Variants in ERCC6L2 observed in about 807,000 individuals in gnomAD.
The protein encoded by ERCC6L2 is ERCC excision repair 6 like 2, also known as DNA excision repair protein ERCC-6-like 2.
Under a neutral mutation model 132.0 loss-of-function variants are expected in ERCC6L2, and 77 were observed. The observed-to-expected ratio is 0.58, with a 90% CI of 0.49 to 0.71. ERCC6L2 has a LOEUF of 0.71. ERCC6L2 is among the 30% of genes least tolerant of loss of function. ERCC6L2 has a pLI of 0.00. For missense variants in ERCC6L2, 1,542 were observed against 1,837.6 expected, an observed-to-expected ratio of 0.84 and a Z score of 2.94; for synonymous variants, 583 against 632.4, an observed-to-expected ratio of 0.92 and a Z score of 1.17.
intron 19 of ERCC6L2, among the ~76,000 whole-genome samples, chr9:96,036,643 G>A (rs990005861): frequency 1.3e-5 from 2 of 151,916 alleles, no homozygotes; most frequent in African/African-American, 2.4e-5. Flanking sequence ...AGTGCACAAG[G>A]GTTCCAATTT....
chr9:95,875,999 G>C lies in ERCC6L2; in HGVS notation c.-40G>C. 1.3e-6 allele frequency: 2 copies of C among 1,567,754 alleles called. No individual in the cohort carries two copies. Among genetic ancestry groups the C allele is most frequent in the South Asian group, 2.3e-5 (2 of 85,408 alleles). The stretch of plus-strand genomic sequence containing the variant: ...CTTGCTGTCCTCCGCCGCCTTCCGG[G>C]TGTTACATGCAGCCGGGCTCGGCCC... On this transcript the variant is annotated 5_prime_UTR_variant, in exon 1 of 19. Coordinates refer to ENST00000653738, the MANE Select transcript of ERCC6L2 (RefSeq NM_020207.7).
At chr9:96,003,869 CA>C (rs901758218) in intron 17 of ERCC6L2, among the ~76,000 whole-genome samples, 3 of 152,206 alleles carry the variant, frequency 2.0e-5, no homozygotes, top group Admixed American at 2.0e-4. Flanking sequence ...CATACTGTAT[CA>C]TCTTGTCAGG....
Position 95,928,751 on chromosome 9 carries a change from G to A in ERCC6L2, c.1638G>A (p.Ala546=), listed in dbSNP as rs376256925. The part of the protein sequence containing the change: ...LLDVLQQYCM[A]SGLDYRRLDG... Reference sequence around the variant, plus strand: ...ACGTGCTACAGCAGTACTGTATGGCGTCTGGGCTTGATTACCGACGACTTG... The same window carrying A: ...ACGTGCTACAGCAGTACTGTATGGCATCTGGGCTTGATTACCGACGACTTG... The change falls in exon 11 of 19, where the codon GCG becomes GCA. Residue 546 remains alanine, a synonymous_variant. Transcript: ENST00000653738. The A allele has an allele frequency of 1.5e-5, 25 of 1,612,956 alleles. No homozygotes were observed. Among genetic ancestry groups the A allele is most frequent in the East Asian group, 2.2e-5 (1 of 44,792 alleles).
intron 17 of ERCC6L2, among the ~76,000 whole-genome samples, chr9:95,982,576 G>A (rs1832934496): frequency 6.6e-6 from 1 of 152,072 alleles, no homozygotes. Context: ...GTTTCAGCAT[G>A]TAACTCTTAC....
chr9:95,937,178 C>T (rs1056210924), intron 11 of ERCC6L2, among the ~76,000 whole-genome samples: 3 of 152,080 alleles, frequency 2.0e-5, no homozygotes, highest in Non-Finnish European at 4.4e-5. Context: ...TTGCGTATTT[C>T]GTTTTATAAG....
In ERCC6L2 at chr9:95,928,100, C is replaced by A. The variant is rs759609268; in HGVS notation, c.1555C>A (p.His519Asn). ...KMKVLQQLLN[H>N]CRKNRDKVLL... Reference sequence around the variant, plus strand: ...TCAGGTCCTTCAGCAGCTTTTAAATCATTGCAGGAAAAACAGAGATAAAGT... The same window carrying A: ...TCAGGTCCTTCAGCAGCTTTTAAATAATTGCAGGAAAAACAGAGATAAAGT... Residue 519 changes from histidine (H) to asparagine (N), a missense_variant, in exon 10 of 19, where the codon CAT becomes AAT. Coordinates refer to ENST00000653738, the MANE Select transcript of ERCC6L2 (RefSeq NM_020207.7). The A allele has an allele frequency of 4.8e-5, 77 of 1,612,706 alleles. No individual in the cohort carries two copies. Among genetic ancestry groups the A allele is most frequent in the Non-Finnish European group, 6.4e-5 (76 of 1,179,202 alleles).
At chr9:95,981,095 T>A (rs1396339318) in intron 17 of ERCC6L2, among the ~76,000 whole-genome samples, 1 of 152,182 alleles carries the variant, frequency 6.6e-6, no homozygotes, top group Non-Finnish European at 1.5e-5. Flanking sequence ...CAAATAACAG[T>A]TGCCACAGTG....
chr9:95,885,997 G>A (rs1827844281), intron 2 of ERCC6L2, among the ~76,000 whole-genome samples: 1 of 151,992 alleles, frequency 6.6e-6, no homozygotes, highest in Non-Finnish European at 1.5e-5. Flanking sequence ...TGGTCTACGT[G>A]AATCTTTTTT....
In ERCC6L2 at chr9:95,897,852, A is replaced by AT; in HGVS notation, c.478dup (p.Ser160PhefsTer9). The AT allele has an allele frequency of 6.2e-7, 1 of 1,612,284 alleles. No homozygotes were observed. Among genetic ancestry groups the AT allele is most frequent in the South Asian group, 1.1e-5 (1 of 90,866 alleles). ...TGAAAAAGTCTTTTTTCCCCAGGTTATTTCATTTCTGGCTGCAGTTTTGCA... is the reference window on the plus strand; with the variant it reads ...TGAAAAAGTCTTTTTTCCCCAGGTTATTTTCATTTCTGGCTGCAGTTTTGCA... On this transcript the variant is annotated frameshift_variant, in exon 3 of 19. Transcript: ENST00000653738. LOFTEE classifies it high-confidence loss of function.
At chr9:95,898,764 ATACAAGTCTTATG>A (rs1295211118) in intron 3 of ERCC6L2, among the ~76,000 whole-genome samples, 1 of 152,218 alleles carries the variant, frequency 6.6e-6, no homozygotes, top group Non-Finnish European at 1.5e-5. Flanking sequence ...AGACTCTTTT[ATACAAGTCTTATG>A]TACAAGATTG....
At chr9:95,997,002 C>G (rs766053381) in intron 17 of ERCC6L2, among the ~76,000 whole-genome samples, 10 of 152,160 alleles carry the variant, frequency 6.6e-5, no homozygotes, top group Non-Finnish European at 1.5e-4. Flanking sequence ...GGAGGCTGAC[C>G]TGGGAGAATC....
Position 95,969,302 on chromosome 9 carries a change from AT to A in ERCC6L2, c.2101-1272del, listed in dbSNP as rs1832306028. Among the ~76,000 whole-genome samples, 4 of 152,304 alleles carry A rather than the reference AT, an allele frequency of 2.6e-5. No homozygotes were observed. In the South Asian group the frequency reaches 8.3e-4, roughly 32 times the overall value. ...CTGATTTATATTAGCTTGACTTACT[AT>A]TGAAAACTAGACTATAGAAGTACAA... On this transcript the variant is annotated intron_variant, in intron 14 of 18. Coordinates refer to ENST00000653738, the MANE Select transcript of ERCC6L2 (RefSeq NM_020207.7).
intron 3 of ERCC6L2, among the ~76,000 whole-genome samples, chr9:95,901,909 A>G (rs1477831570): frequency 6.6e-6 from 1 of 152,210 alleles, no homozygotes; most frequent in Non-Finnish European, 1.5e-5. Context: ...GTATTGGTTC[A>G]TTTAAAACAA....
rs190424937 is a variant in ERCC6L2, at chr9:95,901,630, C to T, written c.594+3659C>T. Among the ~76,000 whole-genome samples, 299 of 152,242 alleles carry T rather than the reference C, an allele frequency of 2.0e-3. 1 individual carries two copies. Among genetic ancestry groups the T allele is most frequent in the Middle Eastern group, 0.014 (4 of 294 alleles). ...AGTTTTTGCTTTCAGAGGTGTAGGGCGGATTGCTCAGTTCTTCAGGTGTGC... is the reference window on the plus strand; with the variant it reads ...AGTTTTTGCTTTCAGAGGTGTAGGGTGGATTGCTCAGTTCTTCAGGTGTGC... On this transcript the variant is annotated intron_variant, in intron 3 of 18. Transcript: ENST00000653738.
At position 96,016,297 on chromosome 9, in the gene ERCC6L2, A is replaced by G. The variant is rs1834184487; in HGVS notation, c.*3094A>G. Among the ~76,000 whole-genome samples the G allele has an allele frequency of 6.6e-6, 1 of 152,236 alleles. No homozygotes were observed. The highest frequency in any genetic ancestry group is 6.5e-5 in the Admixed American group (1 of 15,286). ...ATGCAAGTCTGTTGCTTCAAGCAACACCACTGTGGCTCCATGGAGCACTAA... is the reference window on the plus strand; with the variant it reads ...ATGCAAGTCTGTTGCTTCAAGCAACGCCACTGTGGCTCCATGGAGCACTAA... On this transcript the variant is annotated 3_prime_UTR_variant, in exon 19 of 19. Transcript: ENST00000653738.
At chr9:95,897,358 A>G (rs945780664) in intron 2 of ERCC6L2, among the ~76,000 whole-genome samples, 5 of 152,168 alleles carry the variant, frequency 3.3e-5, no homozygotes, top group Non-Finnish European at 7.4e-5. Flanking sequence ...GCTGTTATTC[A>G]AAATGTTGCA....
chr9:95,901,254 C>A (rs1828762073), intron 3 of ERCC6L2, among the ~76,000 whole-genome samples: 1 of 151,668 alleles, frequency 6.6e-6, no homozygotes, highest in Non-Finnish European at 1.5e-5. Flanking sequence ...CGATTTTTTT[C>A]CTTGGAAAGG....
intron 18 of ERCC6L2, among the ~76,000 whole-genome samples, chr9:96,006,086 T>C (rs576155065): frequency 6.6e-6 from 1 of 152,276 alleles, no homozygotes; most frequent in Admixed American, 6.5e-5. Context: ...CAGTAGGCAA[T>C]GTATGTATGA....
At chr9:95,915,970 C>A in intron 5 of ERCC6L2, 141 bp downstream of exon 5, 1 of 866,376 alleles carries the variant, frequency 1.2e-6, no homozygotes, top group Non-Finnish European at 1.7e-6. Flanking sequence ...GTGGTATACA[C>A]AGTAGAGAGT....
Sources: allele counts gnomAD v4.1 joint callset (sites outside exome capture counted in the v4.1 genomes callset), GRCh38; gene constraint gnomAD v4.1.1; transcripts MANE v1.5; gene names NCBI Gene and HGNC (gene_info 2026-07-23, HGNC 2026-07-21).